The following LYSMD2 variants were observed in gnomAD, a reference collection of about 807,000 sequenced individuals.
LYSMD2 encodes the protein lysM and putative peptidoglycan-binding domain-containing protein 2.
LYSMD2 carries 6 observed loss-of-function variants against 17.7 expected under a neutral mutation model. The ratio of observed to expected loss-of-function variants is 0.34; its 90% confidence interval spans 0.19 to 0.67. LYSMD2 has a LOEUF of 0.67. Ranked by LOEUF, LYSMD2 falls within the 30% of genes least tolerant of loss-of-function variation. LYSMD2 has a pLI of 0.69. For synonymous variants in LYSMD2, 102 were observed against 129.8 expected, an observed-to-expected ratio of 0.79 and a Z score of 1.45; for missense variants, 237 against 286.7, an observed-to-expected ratio of 0.83 and a Z score of 1.25.
intron 1 of LYSMD2, among the ~76,000 whole-genome samples, chr15:51,734,105 C>T (rs958186661): frequency 6.6e-6 from 1 of 152,098 alleles, no homozygotes; most frequent in Non-Finnish European, 1.5e-5. Flanking sequence ...ATAGCTTGAA[C>T]CCGGGAGGCG....
intron 1 of LYSMD2, among the ~76,000 whole-genome samples, chr15:51,750,495 G>A (rs1013738008): frequency 1.3e-5 from 2 of 152,190 alleles, no homozygotes; most frequent in Non-Finnish European, 2.9e-5. Flanking sequence ...CACTACATCT[G>A]TGAATGCAAA....
chr15:51,725,828 C>T (rs2055536473), intron 1 of LYSMD2, among the ~76,000 whole-genome samples: 1 of 151,908 alleles, frequency 6.6e-6, no homozygotes, highest in African/African-American at 2.4e-5. Context: ...CTCCACTTTG[C>T]GATGAAGAAA....
chr15:51,735,997 T>C (rs1053257650), intron 1 of LYSMD2, among the ~76,000 whole-genome samples: 1 of 152,192 alleles, frequency 6.6e-6, no homozygotes, highest in Non-Finnish European at 1.5e-5. Context: ...ATATCAAAAG[T>C]AATATCTAGA....
At chr15:51,739,263 A>T (rs984648275), upstream of LYSMD2, among the ~76,000 whole-genome samples, 24 of 152,178 alleles carry the variant, frequency 1.6e-4, 1 homozygote, top group Admixed American at 7.9e-4. Flanking sequence ...ATCTCCTCCA[A>T]CAAATACGTG....
intron 1 of LYSMD2, among the ~76,000 whole-genome samples, chr15:51,744,079 A>G (rs1299590909): frequency 6.6e-6 from 1 of 152,136 alleles, no homozygotes; most frequent in Non-Finnish European, 1.5e-5. Flanking sequence ...TAATCATGTT[A>G]TCTATGAATA....
At chr15:51,742,814 T>C (rs2055649678) in intron 1 of LYSMD2, among the ~76,000 whole-genome samples, 1 of 152,124 alleles carries the variant, frequency 6.6e-6, no homozygotes, top group Non-Finnish European at 1.5e-5. Flanking sequence ...TAGAAAGACG[T>C]AGCCAGTTGT....
At chr15:51,750,150 A>C (rs7181553) in intron 1 of LYSMD2, among the ~76,000 whole-genome samples, 73,069 of 152,092 alleles carry the variant, frequency 0.48, 17,840 homozygotes, top group Admixed American at 0.54. Context: ...GGCTTACTGA[A>C]CACCCCTATG....
chr15:51,723,608 T>G lies in LYSMD2; in HGVS notation c.647A>C (p.Ter216SerextTer11). 6.2e-7 allele frequency: 1 copy of G among 1,605,924 alleles called. No individual in the cohort carries two copies. Among genetic ancestry groups the G allele is most frequent in the Non-Finnish European group, 8.5e-7 (1 of 1,174,122 alleles). The part of the protein sequence containing the change: ...SPYATSLYHS[*>S] ...GTTAGAGTTATGCCCCCAAATCACC[T>G]AACTGTGATAGAGGGAAGTTGCATA... The change falls in exon 3 of 3, where the codon TAG (stop) becomes TCG (serine). Residue 216 changes from the stop codon to serine (S), a stop_lost. Transcript: ENST00000267838.
At chr15:51,750,729 T>A (rs1200715359) in intron 1 of LYSMD2, among the ~76,000 whole-genome samples, 1 of 152,216 alleles carries the variant, frequency 6.6e-6, no homozygotes, top group Non-Finnish European at 1.5e-5. Flanking sequence ...CCCACTCTGC[T>A]GTCATGCTTC....
At chr15:51,738,603 C>T (rs183912151), upstream of LYSMD2, among the ~76,000 whole-genome samples, 3 of 152,260 alleles carry the variant, frequency 2.0e-5, no homozygotes, top group East Asian at 5.8e-4. Flanking sequence ...AGTGGGTACA[C>T]ATTTACTAGC....
At chr15:51,728,147 G>A (rs1315612916) in intron 1 of LYSMD2, among the ~76,000 whole-genome samples, 2 of 152,096 alleles carry the variant, frequency 1.3e-5, no homozygotes, top group Non-Finnish European at 2.9e-5. Flanking sequence ...AACAACATAT[G>A]GGCTGGGCGC....
At chr15:51,723,695 G>A in intron 2 of LYSMD2, 46 bp from the exon 3 acceptor site, 1 of 1,386,028 alleles carries the variant, frequency 7.2e-7, no homozygotes, top group Non-Finnish European at 9.9e-7. Context: ...AGAACTGTAT[G>A]CAGAAAACTA....
chr15:51,733,570 T>G (rs1341185311), intron 1 of LYSMD2, among the ~76,000 whole-genome samples: 1 of 151,904 alleles, frequency 6.6e-6, no homozygotes, highest in Non-Finnish European at 1.5e-5. Context: ...AATGAGATAT[T>G]TAAGCAAAGA....
At chr15:51,725,331 G>T (rs908536680) in intron 1 of LYSMD2, among the ~76,000 whole-genome samples, 6 of 152,136 alleles carry the variant, frequency 3.9e-5, no homozygotes, top group Non-Finnish European at 7.4e-5. Context: ...TTTTTAAAAA[G>T]GACAGACTAA....
chr15:51,749,839 G>C (rs1311940484), intron 1 of LYSMD2, among the ~76,000 whole-genome samples: 1 of 152,194 alleles, frequency 6.6e-6, no homozygotes. Context: ...GAAAACTTGG[G>C]AACATGACTT....
At chr15:51,730,507 C>A (rs997285164) in intron 1 of LYSMD2, among the ~76,000 whole-genome samples, 7 of 152,100 alleles carry the variant, frequency 4.6e-5, no homozygotes, top group South Asian at 2.1e-4. Context: ...CAGAGCAAGA[C>A]CCTGTCTCAA....
chr15:51,749,460 G>A lies in LYSMD2; in HGVS notation c.-1+1811C>T, dbSNP rs144550940. Among the ~76,000 whole-genome samples the A allele has an allele frequency of 5.1e-3, 780 of 152,252 alleles. 3 individuals carry two copies. The highest frequency in any genetic ancestry group is 8.4e-3 in the Non-Finnish European group (573 of 68,022). ...AGGATAGCTCTTGTATCTCTGCTTCGACTGCCGAACATGACTTTAACTTAA... is the reference window on the plus strand; with the variant it reads ...AGGATAGCTCTTGTATCTCTGCTTCAACTGCCGAACATGACTTTAACTTAA... On this transcript the variant is annotated intron_variant, in intron 1 of 2. Coordinates refer to the LYSMD2 transcript ENST00000454181.
chr15:51,739,650 G>T (rs924967525), upstream of LYSMD2, among the ~76,000 whole-genome samples: 1 of 152,174 alleles, frequency 6.6e-6, no homozygotes, highest in African/African-American at 2.4e-5. Context: ...GAAGATTAAA[G>T]AACTGAGCCA....
chr15:51,743,547 A>T (rs569520877), intron 1 of LYSMD2, among the ~76,000 whole-genome samples: 4 of 152,332 alleles, frequency 2.6e-5, no homozygotes, highest in African/African-American at 9.6e-5. Context: ...AGTAAGTCTT[A>T]AAGTTGGGTA....
Sources: allele counts gnomAD v4.1 joint callset (sites outside exome capture counted in the v4.1 genomes callset), GRCh38; gene constraint gnomAD v4.1.1; transcripts MANE v1.5; gene names NCBI Gene and HGNC (gene_info 2026-07-23, HGNC 2026-07-21).